PXDNL: variants seen among roughly 807,000 people sequenced by gnomAD.
PXDNL encodes probable oxidoreductase PXDNL.
Under a neutral mutation model 150.8 loss-of-function variants are expected in PXDNL, and 145 were observed. The observed-to-expected ratio is 0.96, with a 90% CI of 0.84 to 1.10. The LOEUF is 1.10. PXDNL is among the 50% of genes least tolerant of loss of function. The pLI, the probability that PXDNL is intolerant of heterozygous loss-of-function variation, is 0.00. For synonymous variants in PXDNL, 757 were observed against 725.7 expected, an observed-to-expected ratio of 1.04 and a Z score of -0.69; for missense variants, 2,087 against 1,873.9, an observed-to-expected ratio of 1.11 and a Z score of -2.10.
At chr8:51,770,169 G>T (rs1278663929) in intron 1 of PXDNL, among the ~76,000 whole-genome samples, 2 of 152,172 alleles carry the variant, frequency 1.3e-5, no homozygotes, top group Admixed American at 6.5e-5. Context: ...AGACAGATTT[G>T]AGAGCTGTTC....
At chr8:51,547,683 A>C (rs1282427197) in intron 4 of PXDNL, among the ~76,000 whole-genome samples, 1 of 152,214 alleles carries the variant, frequency 6.6e-6, no homozygotes, top group Non-Finnish European at 1.5e-5. Flanking sequence ...GGACAAGAGA[A>C]TCTGAACAGC....
At chr8:51,363,585 G>A (rs1037720225) in intron 19 of PXDNL, among the ~76,000 whole-genome samples, 8 of 152,282 alleles carry the variant, frequency 5.3e-5, no homozygotes, top group Middle Eastern at 6.8e-3. Flanking sequence ...TTTTCCATAC[G>A]ATGTCTGTAA....
intron 5 of PXDNL, among the ~76,000 whole-genome samples, chr8:51,495,588 T>C (rs1439962403): frequency 6.6e-6 from 1 of 151,894 alleles, no homozygotes; most frequent in African/African-American, 2.4e-5. Context: ...TAAAAAATGA[T>C]AAAGGGGATA....
intron 12 of PXDNL, among the ~76,000 whole-genome samples, chr8:51,441,583 A>G (rs1230132705): frequency 1.3e-5 from 2 of 152,198 alleles, no homozygotes; most frequent in African/African-American, 4.8e-5. Context: ...TTAGTGCAAA[A>G]AAAATTGAAA....
intron 1 of PXDNL, among the ~76,000 whole-genome samples, chr8:51,736,340 G>A (rs181482105): frequency 6.6e-6 from 1 of 152,264 alleles, no homozygotes; most frequent in African/African-American, 2.4e-5. Context: ...CAGGCCCAGA[G>A]AGGCATTTAA....
chr8:51,608,852 A>G (rs550284951), intron 2 of PXDNL, among the ~76,000 whole-genome samples: 4 of 149,478 alleles, frequency 2.7e-5, no homozygotes, highest in East Asian at 1.9e-4. Flanking sequence ...AAAAAAAAAA[A>G]AAAAAAAGAA....
At chr8:51,553,912 C>G (rs1037873810) in intron 4 of PXDNL, among the ~76,000 whole-genome samples, 1 of 151,830 alleles carries the variant, frequency 6.6e-6, no homozygotes, top group Admixed American at 6.6e-5. Flanking sequence ...TGTCCCTTGC[C>G]CTTGTGTTCT....
Position 51,409,434 on chromosome 8 carries a change from G to T in PXDNL, c.2190C>A (p.His730Gln). The change falls in exon 17 of 23, where the codon CAC (histidine) becomes CAA (glutamine). Residue 730 changes from histidine to glutamine, a missense_variant. His to Gln is a conservative substitution (Grantham distance 24). Coordinates refer to ENST00000356297, the MANE Select transcript of PXDNL (RefSeq NM_144651.5). ...GCTGCAGGTTGTTGCACGTGCCGTC[G>T]TGGGCGCGGTACTTCGCATGGAAAC... is the stretch of plus-strand genomic sequence containing the variant. The part of the protein sequence containing the change: ...NRCFHAKYRA[H>Q]DGTCNNLQQP... 1 of 1,612,438 alleles carries T rather than the reference G, an allele frequency of 6.2e-7. No individual in the cohort carries two copies. Among genetic ancestry groups the T allele is most frequent in the Non-Finnish European group, 8.5e-7 (1 of 1,179,698 alleles).
chr8:51,644,925 T>C (rs1317783440), intron 2 of PXDNL, among the ~76,000 whole-genome samples: 1 of 151,370 alleles, frequency 6.6e-6, no homozygotes, highest in Non-Finnish European at 1.5e-5. Context: ...TTTGAATCAG[T>C]CAGGGTTCTC....
At position 51,791,462 on chromosome 8, in the gene PXDNL, C is replaced by T. The variant is rs1032117177; in HGVS notation, c.164+17719G>A. Among the ~76,000 whole-genome samples the T allele has an allele frequency of 2.0e-5, 3 of 152,186 alleles. No homozygotes were observed. In the East Asian group the frequency reaches 5.8e-4, roughly 29 times the overall value. The stretch of plus-strand genomic sequence containing the variant: ...ACAACGGCTCAGAGCTTGAAGGTCA[C>T]GAAATGAAAAGCCATTCTCTAACAG... On this transcript the variant is annotated intron_variant, in intron 1 of 22. Transcript: ENST00000356297.
chr8:51,356,259 A>C (rs2976987), intron 19 of PXDNL, among the ~76,000 whole-genome samples: 111,485 of 152,102 alleles, frequency 0.73, 41,413 homozygotes, highest in East Asian at 0.94. Flanking sequence ...GAGGCCGAGG[A>C]GGGCAGATCA....
chr8:51,339,505 T>G, intron 21 of PXDNL, 119 bp downstream of exon 21: 2 of 1,017,484 alleles, frequency 2.0e-6, no homozygotes, highest in Non-Finnish European at 2.9e-6. Context: ...CAACTCCCTG[T>G]ATAGGTTTTT....
intron 1 of PXDNL, among the ~76,000 whole-genome samples, chr8:51,778,661 T>C (rs1196062948): frequency 1.3e-5 from 2 of 152,214 alleles, no homozygotes; most frequent in South Asian, 4.1e-4. Context: ...GACTGGAAAG[T>C]GGCAGAGCCA....
At chr8:51,364,996 A>C (rs1183191639) in intron 19 of PXDNL, among the ~76,000 whole-genome samples, 1 of 152,124 alleles carries the variant, frequency 6.6e-6, no homozygotes, top group African/African-American at 2.4e-5. Flanking sequence ...GTTGGAGTGC[A>C]GTGGCATGAT....
At chr8:51,513,755 TAA>T (rs1234346338) in intron 4 of PXDNL, among the ~76,000 whole-genome samples, 1 of 152,230 alleles carries the variant, frequency 6.6e-6, no homozygotes, top group African/African-American at 2.4e-5. Flanking sequence ...GCATCTACTG[TAA>T]AAAGTTATAT....
intron 1 of PXDNL, among the ~76,000 whole-genome samples, chr8:51,759,785 A>G (rs375541153): frequency 1.1e-4 from 17 of 152,360 alleles, no homozygotes; most frequent in East Asian, 9.6e-4. Flanking sequence ...AGATGTCTGA[A>G]CATTTAATTT....
At chr8:51,374,368 T>C (rs1416361204) in intron 18 of PXDNL, among the ~76,000 whole-genome samples, 1 of 152,154 alleles carries the variant, frequency 6.6e-6, no homozygotes, top group Non-Finnish European at 1.5e-5. Flanking sequence ...CCAACTTCTA[T>C]TGCCTTTTGA....
intron 20 of PXDNL, among the ~76,000 whole-genome samples, chr8:51,343,376 T>G (rs937934905): frequency 6.6e-6 from 1 of 152,222 alleles, no homozygotes; most frequent in African/African-American, 2.4e-5. Flanking sequence ...AAGCGTGTGT[T>G]GTTATAAAAC....
intron 17 of PXDNL, among the ~76,000 whole-genome samples, chr8:51,392,491 C>G (rs199513510): frequency 6.6e-6 from 1 of 152,128 alleles, no homozygotes; most frequent in East Asian, 1.9e-4. Flanking sequence ...ATTTTATTCT[C>G]TTTGAAGCAA....
Sources: allele counts gnomAD v4.1 joint callset (sites outside exome capture counted in the v4.1 genomes callset), GRCh38; gene constraint gnomAD v4.1.1; transcripts MANE v1.5; gene names NCBI Gene and HGNC (gene_info 2026-07-23, HGNC 2026-07-21).